THADA: variants seen among roughly 807,000 people sequenced by gnomAD.
The protein encoded by THADA is THADA armadillo repeat containing, also known as tRNA (32-2'-O)-methyltransferase regulator THADA.
In THADA, 213 loss-of-function variants were observed where a neutral mutation model predicts 219.8. The observed-to-expected ratio is 0.97, with a 90% CI of 0.87 to 1.09. The LOEUF is 1.09. Ranked by LOEUF, THADA falls within the 50% of genes least tolerant of loss-of-function variation. The probability of loss-of-function intolerance (pLI) is 0.00; values close to 1 mark genes in which losing one functional copy is unlikely to be tolerated. For missense variants in THADA, 2,956 were observed against 2,311.3 expected (o/e 1.28, Z -5.72); for synonymous variants, 1,018 against 828.9 (o/e 1.23, Z -3.92).
chr2:43,592,549 A>T, intron 1 of THADA, 133 bp from the exon 2 acceptor site: 1 of 507,990 alleles, frequency 2.0e-6, no homozygotes, highest in South Asian at 3.7e-5. Context: ...ATCTCTACCC[A>T]CTAGATGCCA....
In THADA at chr2:43,498,765, G is replaced by C. The variant is rs373767999; in HGVS notation, c.3744+68C>G. The C allele has an allele frequency of 1.6e-4, 236 of 1,471,084 alleles. 1 individual carries two copies. The African/African-American group carries it at 3.0e-3, about 19-fold the overall frequency. The allele number at this position is 1,471,084 out of a possible 1,614,324, so 91.1% of individuals were successfully genotyped here. A position where few individuals can be genotyped will look rare whatever the true frequency, so the allele number is the denominator to read the frequency against. On this transcript the variant is annotated intron_variant, in intron 25 of 37. Transcript: ENST00000405975. ...AAATATTTTTTATCACCCAGTGAAA[G>C]ATTAGTTTATTAAAACCTACTCAGA...
At chr2:43,433,126 A>T (rs1187997455) in intron 26 of THADA, among the ~76,000 whole-genome samples, 1 of 152,010 alleles carries the variant, frequency 6.6e-6, no homozygotes, top group African/African-American at 2.4e-5. Flanking sequence ...TTTAAAATTA[A>T]TTTTTGTGTA....
intron 30 of THADA, 99 bp from the exon 31 acceptor site, chr2:43,320,639 G>T: frequency 1.3e-6 from 1 of 755,546 alleles, no homozygotes; most frequent in Non-Finnish European, 2.1e-6. Flanking sequence ...TATATGATGG[G>T]GCTTAAGCAG....
intron 28 of THADA, among the ~76,000 whole-genome samples, chr2:43,421,081 T>A (rs1313266206): frequency 2.0e-5 from 3 of 152,236 alleles, no homozygotes; most frequent in African/African-American, 7.2e-5. Flanking sequence ...TGTATGTATC[T>A]GTAATATACA....
rs756877018 is a variant in THADA at position 43,292,252 on chromosome 2, G to A, written c.4819-30C>T. ...GTAAGCCAAATCCGCACACAAAAAA[G>A]AGAAATAAATACTCAGGGAGATGTC... is the stretch of plus-strand genomic sequence containing the variant. On this transcript the variant is annotated intron_variant, in intron 32 of 37. Coordinates refer to ENST00000405975, the MANE Select transcript of THADA (RefSeq NM_022065.5). The A allele has an allele frequency of 2.2e-5, 31 of 1,395,074 alleles. 1 individual carries two copies. The South Asian group carries it at 3.8e-4, about 17-fold the overall frequency. The allele number at this position is 1,395,074 out of a possible 1,614,324, so 86.4% of individuals were successfully genotyped here.
intron 22 of THADA, among the ~76,000 whole-genome samples, 177 bp from the exon 23 acceptor site, chr2:43,508,957 C>A (rs372642218): frequency 1.7e-4 from 26 of 152,202 alleles, no homozygotes; most frequent in African/African-American, 6.0e-4. Context: ...GTCTTAAGAT[C>A]TAAAGATTTC....
chr2:43,236,044 T>C (rs1406657919), intron 36 of THADA, among the ~76,000 whole-genome samples: 1 of 151,890 alleles, frequency 6.6e-6, no homozygotes, highest in East Asian at 1.9e-4. Context: ...CTCCTGACCT[T>C]GTGATCCACC....
Position 43,549,297 on chromosome 2 carries a change from C to G in THADA, c.3019G>C (p.Ala1007Pro), listed in dbSNP as rs753219365. The G allele has an allele frequency of 3.9e-5, 63 of 1,599,920 alleles. No homozygotes were observed. The highest frequency in any genetic ancestry group is 5.1e-5 in the Non-Finnish European group (60 of 1,173,336). The change falls in exon 20 of 38, where the codon GCC becomes CCC. Residue 1007 changes from alanine to proline, a missense_variant. Ala to Pro is a conservative substitution (Grantham distance 27). Transcript: ENST00000405975. ...CTATCATGTTCTTTCAATATTTTGG[C>G]TTGGTTAAAATAATCATTAGTATCT... is the stretch of plus-strand genomic sequence containing the variant. ...PRDTNDYFNQAKILKEHDSFD... is the reference protein window; with the variant it reads ...PRDTNDYFNQPKILKEHDSFD...
rs568361597 is a variant in THADA at position 43,333,978 on chromosome 2, AATAAAT to A, written c.4343+10138_4343+10143del. Among the ~76,000 whole-genome samples the A allele has an allele frequency of 1.3e-3, 199 of 152,326 alleles. 1 individual carries two copies. The highest frequency in any genetic ancestry group is 4.5e-3 in the African/African-American group (188 of 41,568). On this transcript the variant is annotated intron_variant, in intron 30 of 37. Coordinates refer to ENST00000405975, the MANE Select transcript of THADA (RefSeq NM_022065.5). The stretch of plus-strand genomic sequence containing the variant: ...GTGTGAATAAATTTGGTGGTGAGAA[AATAAAT>A]GCTGTTTTCAGCTGTTGTAAAGCAA...
intron 31 of THADA, among the ~76,000 whole-genome samples, chr2:43,319,113 A>C (rs549313971): frequency 6.6e-6 from 1 of 152,308 alleles, no homozygotes; most frequent in East Asian, 1.9e-4. Flanking sequence ...TGAAATACAG[A>C]AATGGTGGAA....
chr2:43,374,178 C>T (rs6709988), intron 29 of THADA, among the ~76,000 whole-genome samples: 33,272 of 152,136 alleles, frequency 0.22, 4,493 homozygotes, highest in African/African-American at 0.38. Context: ...TTATAATATT[C>T]AGCCCAATCA....
Position 43,287,440 on chromosome 2 carries a change from G to T in THADA, c.5011-379C>A, listed in dbSNP as rs1426634768. Among the ~76,000 whole-genome samples the T allele has an allele frequency of 2.0e-5, 3 of 152,240 alleles. No homozygotes were observed. In the South Asian group the frequency reaches 6.2e-4, roughly 32 times the overall value. ...CTTCCGAGTAGCTGAAAGTACAGGT[G>T]TGTGCCACCACACCTGGCTAATTTT... is the stretch of plus-strand genomic sequence containing the variant. On this transcript the variant is annotated intron_variant, in intron 34 of 37. Coordinates refer to ENST00000405975, the MANE Select transcript of THADA (RefSeq NM_022065.5).
rs367871221 is a variant in THADA, at chr2:43,580,705, T to C, written c.721+1036A>G. Among the ~76,000 whole-genome samples the C allele has an allele frequency of 1.1e-3, 172 of 151,656 alleles. 2 individuals are homozygous for C. Among genetic ancestry groups the C allele is most frequent in the African/African-American group, 3.9e-3 (160 of 41,336 alleles). ...GCCTGGCCAACATGGTGAAAGCCCG[T>C]CTATATTAAAAATACAAAAAAAAAA... On this transcript the variant is annotated intron_variant, in intron 8 of 37. Coordinates refer to ENST00000405975, the MANE Select transcript of THADA (RefSeq NM_022065.5).
At chr2:43,249,030 C>T (rs1669547876) in intron 36 of THADA, among the ~76,000 whole-genome samples, 1 of 152,178 alleles carries the variant, frequency 6.6e-6, no homozygotes, top group African/African-American at 2.4e-5. Flanking sequence ...CCTCTCCATC[C>T]CCACTGCCAC....
intron 36 of THADA, among the ~76,000 whole-genome samples, chr2:43,249,006 T>C: frequency 6.6e-6 from 1 of 152,256 alleles, no homozygotes. Flanking sequence ...TTTAAACACC[T>C]CTCAAACTTG....
chr2:43,270,766 G>T (rs1425181162), intron 36 of THADA, among the ~76,000 whole-genome samples: 1 of 152,162 alleles, frequency 6.6e-6, no homozygotes, highest in Non-Finnish European at 1.5e-5. Flanking sequence ...AGGATCCCTT[G>T]AGCCCAGGAG....
At chr2:43,478,681 A>G (rs1205063045) in intron 26 of THADA, among the ~76,000 whole-genome samples, 2 of 152,204 alleles carry the variant, frequency 1.3e-5, no homozygotes, top group African/African-American at 2.4e-5. Flanking sequence ...GTTATTAAAG[A>G]AGGCAATAGC....
rs749461706 is a variant in THADA at position 43,572,852 on chromosome 2, C to T, written c.1870G>A (p.Ala624Thr). 1 of 1,613,778 alleles carries T rather than the reference C, an allele frequency of 6.2e-7. No homozygotes were observed. Among genetic ancestry groups the T allele is most frequent in the South Asian group, 1.1e-5 (1 of 91,064 alleles). ...TGAATTAAGCCTTGCTTTATTCTTG[C>T]ATCAGACACGAGGTTCTCCCAGGTA... Reference protein sequence around the residue: ...TDTWENLVSDARIKQGLIHQH... With the variant: ...TDTWENLVSDTRIKQGLIHQH... Residue 624 changes from alanine (A) to threonine (T), a missense_variant, in exon 12 of 38, where the codon GCA becomes ACA. Coordinates refer to ENST00000405975, the MANE Select transcript of THADA (RefSeq NM_022065.5).
At chr2:43,286,227 G>A (rs1673986398) in intron 35 of THADA, among the ~76,000 whole-genome samples, 1 of 152,186 alleles carries the variant, frequency 6.6e-6, no homozygotes, top group Admixed American at 6.5e-5. Flanking sequence ...CCCGTGTTAG[G>A]GAGTGGTGGA....
Sources: allele counts gnomAD v4.1 joint callset (sites outside exome capture counted in the v4.1 genomes callset), GRCh38; gene constraint gnomAD v4.1.1; transcripts MANE v1.5; gene names NCBI Gene and HGNC (gene_info 2026-07-23, HGNC 2026-07-21).